The following DOCK11 variants were observed in gnomAD, a reference collection of about 807,000 sequenced individuals.
DOCK11 encodes dedicator of cytokinesis 11.
Under a neutral mutation model 169.1 loss-of-function variants are expected in DOCK11, and 70 were observed. The observed-to-expected ratio is 0.41, with a 90% confidence interval of 0.34 to 0.51. The LOEUF (loss-of-function observed/expected upper bound fraction) is 0.51. DOCK11 is among the 20% of genes least tolerant of loss of function. The pLI, the probability that DOCK11 is intolerant of heterozygous loss-of-function variation, is 0.10. For missense variants in DOCK11, 1,166 were observed against 1,538.8 expected, an observed-to-expected ratio of 0.76 and a Z score of 4.05; for synonymous variants, 529 against 541.3, an observed-to-expected ratio of 0.98 and a Z score of 0.32.
chrX:118,549,517 G>A (rs2012415953), intron 6 of DOCK11, among the ~76,000 whole-genome samples: 1 of 111,184 alleles, frequency 9.0e-6, no homozygotes, highest in Admixed American at 9.6e-5. Flanking sequence ...AAGTTAATTG[G>A]TCATATGAAG....
chrX:118,657,699 C>T (rs981691721), intron 44 of DOCK11, among the ~76,000 whole-genome samples: 10 of 111,533 alleles, frequency 9.0e-5, no homozygotes, highest in Non-Finnish European at 1.3e-4. Context: ...AAGTTAAAAA[C>T]GTAAACTGAG....
In DOCK11 at chrX:118,593,400, AC is replaced by A. The variant is rs2014064521; in HGVS notation, c.2263+65del. On this transcript the variant is annotated intron_variant, in intron 20 of 52. Transcript: ENST00000276202. ...TTGAAATGGAACTGTCCAGGGTATAACCTCTTTTCACCAAGCTATAGACCAC... is the reference window on the plus strand; with the variant it reads ...TTGAAATGGAACTGTCCAGGGTATAACTCTTTTCACCAAGCTATAGACCAC... The A allele has an allele frequency of 6.7e-6, 7 of 1,048,787 alleles. No individual in the cohort carries two copies. The South Asian group carries it at 1.4e-4, about 21-fold the overall frequency. The allele number at this position is 1,048,787 out of a possible 1,213,427, so 86.4% of individuals were successfully genotyped here.
Position 118,584,717 on chromosome X carries a change from C to T in DOCK11, c.1596-18C>T. The T allele has an allele frequency of 9.1e-7, 1 of 1,100,719 alleles. No individual in the cohort carries two copies. The highest frequency in any genetic ancestry group is 2.5e-5 in the South Asian group (1 of 39,927). 90.7% of individuals were successfully genotyped at this position (1,100,719 alleles called of 1,213,427 possible). ...TGGAATTTTTTTTTTTAAAAAAATG[C>T]TTCTGTTGCTGTTTTAGACCCATTT... On this transcript the variant is annotated intron_variant, in intron 14 of 52. Coordinates refer to ENST00000276202, the MANE Select transcript of DOCK11 (RefSeq NM_144658.4).
At chrX:118,601,970 A>G (rs1169671423) in intron 23 of DOCK11, among the ~76,000 whole-genome samples, 8 of 91,181 alleles carry the variant, frequency 8.8e-5, no homozygotes, top group African/African-American at 2.9e-4. Flanking sequence ...TGTATTTTTT[A>G]GTAGAGATGG....
chrX:118,523,387 A>G (rs2011304103), intron 1 of DOCK11, among the ~76,000 whole-genome samples: 1 of 112,701 alleles, frequency 8.9e-6, no homozygotes, highest in Non-Finnish European at 1.9e-5. Flanking sequence ...AAATGAATGC[A>G]TGTGCAGCAG....
At chrX:118,660,377 G>C (rs1219665314) in intron 44 of DOCK11, among the ~76,000 whole-genome samples, 2 of 112,066 alleles carry the variant, frequency 1.8e-5, no homozygotes, top group Non-Finnish European at 3.8e-5. Context: ...ACTTTGAATA[G>C]AACTCTCTAG....
At chrX:118,530,850 C>G (rs1455767147) in intron 1 of DOCK11, among the ~76,000 whole-genome samples, 4 of 112,185 alleles carry the variant, frequency 3.6e-5, no homozygotes, top group African/African-American at 1.3e-4. Flanking sequence ...TTTTGCCTTC[C>G]CAGCTTTGTA....
intron 1 of DOCK11, among the ~76,000 whole-genome samples, chrX:118,503,270 A>G (rs762811702): frequency 4.5e-5 from 5 of 110,512 alleles, no homozygotes; most frequent in South Asian, 3.9e-4. Flanking sequence ...CACGTTGGCC[A>G]GGCTGATCTC....
chrX:118,672,272 G>A (rs1206873560), intron 46 of DOCK11, among the ~76,000 whole-genome samples: 1 of 112,100 alleles, frequency 8.9e-6, no homozygotes, highest in Admixed American at 9.4e-5. Flanking sequence ...GTAGTATAAT[G>A]CACAGCAATT....
At chrX:118,534,876 T>C (rs1179158354) in intron 1 of DOCK11, among the ~76,000 whole-genome samples, 4 of 111,997 alleles carry the variant, frequency 3.6e-5, no homozygotes, top group Non-Finnish European at 7.5e-5. Context: ...TGTTTTTTTT[T>C]GTAATTTGAT....
At chrX:118,646,053 C>CAAAAAAAAAAAAAAA (rs754457760) in intron 40 of DOCK11, among the ~76,000 whole-genome samples, 1 of 38,989 alleles carries the variant, frequency 2.6e-5, no homozygotes, top group African/African-American at 9.0e-5. Context: ...GAGACTTCGT[C>CAAAAAAAAAAAAAAA]AAAAAAAAAA....
chrX:118,596,500 AT>A (rs1359395480), intron 20 of DOCK11, among the ~76,000 whole-genome samples: 1 of 112,435 alleles, frequency 8.9e-6, no homozygotes, highest in Non-Finnish European at 1.9e-5. Context: ...ATTTTAAAGA[AT>A]CAGAAAGCAG....
chrX:118,524,791 G>T (rs1481989374), intron 1 of DOCK11, among the ~76,000 whole-genome samples: 3 of 111,355 alleles, frequency 2.7e-5, no homozygotes, highest in African/African-American at 6.5e-5. Flanking sequence ...GGTGGGTAAT[G>T]TAAAATGGTA....
At chrX:118,526,360 T>C (rs2011375705) in intron 1 of DOCK11, among the ~76,000 whole-genome samples, 1 of 112,250 alleles carries the variant, frequency 8.9e-6, no homozygotes. Flanking sequence ...CTCTCTCAGC[T>C]AGCTGTTCTG....
intron 6 of DOCK11, among the ~76,000 whole-genome samples, chrX:118,549,925 G>C (rs1006740263): frequency 3.6e-5 from 4 of 111,525 alleles, no homozygotes; most frequent in African/African-American, 1.3e-4. Flanking sequence ...GCCATATTGA[G>C]GTTTGGGAGC....
intron 22 of DOCK11, among the ~76,000 whole-genome samples, chrX:118,598,775 C>A (rs1249069655): frequency 1.8e-5 from 2 of 112,499 alleles, no homozygotes; most frequent in African/African-American, 6.5e-5. Flanking sequence ...CTGCTGCTAT[C>A]TTTTCTTTAT....
At chrX:118,571,569 C>T (rs982128214) in intron 10 of DOCK11, among the ~76,000 whole-genome samples, 1 of 110,669 alleles carries the variant, frequency 9.0e-6, no homozygotes, top group Admixed American at 9.7e-5. Context: ...AGGCTGGTCT[C>T]GAACTCCTGG....
intron 1 of DOCK11, among the ~76,000 whole-genome samples, chrX:118,529,971 A>G (rs753385571): frequency 4.9e-4 from 55 of 112,266 alleles, no homozygotes; most frequent in African/African-American, 1.7e-3. Context: ...TTTGAGCTTT[A>G]TTCTACAGAC....
chrX:118,565,003 T>C (rs1038240542), intron 7 of DOCK11, among the ~76,000 whole-genome samples: 1 of 110,728 alleles, frequency 9.0e-6, no homozygotes, highest in African/African-American at 3.3e-5. Flanking sequence ...TAGTACCATC[T>C]TGGCTCACTG....
Sources: allele counts gnomAD v4.1 joint callset (sites outside exome capture counted in the v4.1 genomes callset), GRCh38; gene constraint gnomAD v4.1.1; transcripts MANE v1.5; gene names NCBI Gene and HGNC (gene_info 2026-07-23, HGNC 2026-07-21).